Variants in XRCC6 observed in about 807,000 individuals in gnomAD.
XRCC6 encodes DNA repair protein Ku70.
XRCC6 carries 5 observed loss-of-function variants against 65.7 expected under a neutral mutation model. That is an observed-to-expected ratio of 0.08 (90% CI 0.04 to 0.16). The LOEUF is 0.16. Ranked by LOEUF, XRCC6 falls within the 10% of genes least tolerant of loss-of-function variation. The probability of loss-of-function intolerance (pLI) is 1.00; values close to 1 mark genes in which losing one functional copy is unlikely to be tolerated. For missense variants in XRCC6, 447 were observed against 738.1 expected (o/e 0.61, Z 4.57); for synonymous variants, 270 against 270.6 (o/e 1.00, Z 0.02).
chr22:41,629,402 A>G (rs984818588), intron 3 of XRCC6, among the ~76,000 whole-genome samples: 38 of 152,240 alleles, frequency 2.5e-4, no homozygotes, highest in African/African-American at 8.4e-4. Flanking sequence ...TACAAAGTAG[A>G]TGAATCTTGA....
intron 9 of XRCC6, among the ~76,000 whole-genome samples, chr22:41,654,238 C>G (rs979587973): frequency 1.3e-5 from 2 of 152,100 alleles, no homozygotes; most frequent in Non-Finnish European, 2.9e-5. Flanking sequence ...GTTTAATATT[C>G]CTTAGCTACA....
chr22:41,621,694 G>A lies in XRCC6; in HGVS notation c.-15-296G>A, dbSNP rs887186559. 3.1e-5 allele frequency: 12 copies of A among 393,398 alleles called. No individual in the cohort carries two copies. In the Admixed American group the frequency reaches 3.3e-4, roughly 11 times the overall value. The allele number at this position is 393,398 out of a possible 1,614,324, so 24.4% of individuals were successfully genotyped here. A position where few individuals can be genotyped will look rare whatever the true frequency, so the allele number is the denominator to read the frequency against. On this transcript the variant is annotated intron_variant, in intron 1 of 12. Transcript: ENST00000360079. The stretch of plus-strand genomic sequence containing the variant: ...GGTCCGTTAGTCAGCATAGAATCCT[G>A]GAGCGGGAATCCCTCACCGTCTAAA...
chr22:41,656,507 A>G (rs2068046279), intron 9 of XRCC6, among the ~76,000 whole-genome samples: 1 of 151,082 alleles, frequency 6.6e-6, no homozygotes, highest in African/African-American at 2.4e-5. Flanking sequence ...CAAGAGTGAA[A>G]CTCCATCTCA....
chr22:41,638,512 C>T (rs777474772), intron 6 of XRCC6, among the ~76,000 whole-genome samples: 59 of 152,052 alleles, frequency 3.9e-4, no homozygotes, highest in Non-Finnish European at 6.8e-4. Context: ...AGGCCAGACA[C>T]GGTGGCTCAC....
At chr22:41,660,241 G>A (rs953948774) in intron 11 of XRCC6, among the ~76,000 whole-genome samples, 2 of 152,154 alleles carry the variant, frequency 1.3e-5, no homozygotes, top group Middle Eastern at 3.2e-3. Context: ...CAATATAGTT[G>A]TAAGCTAACA....
chr22:41,652,770 T>C (rs1275079189), intron 8 of XRCC6, among the ~76,000 whole-genome samples: 2 of 152,130 alleles, frequency 1.3e-5, no homozygotes, highest in Non-Finnish European at 2.9e-5. Context: ...GCCTCCTGAA[T>C]TCAAGCGATT....
In XRCC6 at chr22:41,657,000, G is replaced by A; in HGVS notation, c.1389G>A (p.Lys463=). 1 of 1,599,518 alleles carries A rather than the reference G, an allele frequency of 6.3e-7. No individual in the cohort carries two copies. The highest frequency in any genetic ancestry group is 8.5e-7 in the Non-Finnish European group (1 of 1,176,208). ...CTCCAGAGCAGGTGGGCAAGATGAAGGCTATCGTTGAGAAGCTTCGCTTCA... is the reference window on the plus strand; with the variant it reads ...CTCCAGAGCAGGTGGGCAAGATGAAAGCTATCGTTGAGAAGCTTCGCTTCA... ...MATPEQVGKM[K]AIVEKLRFTY... The change falls in exon 10 of 13, where the codon AAG becomes AAA. Residue 463 remains lysine, a synonymous_variant. Transcript: ENST00000360079.
intron 7 of XRCC6, among the ~76,000 whole-genome samples, chr22:41,650,235 G>C (rs1169841011): frequency 6.6e-6 from 1 of 151,878 alleles, no homozygotes; most frequent in African/African-American, 2.4e-5. Context: ...CTCCCAAGTA[G>C]CTGGGACCAC....
chr22:41,651,720 G>T (rs533282384), intron 8 of XRCC6, among the ~76,000 whole-genome samples: 1 of 151,782 alleles, frequency 6.6e-6, no homozygotes. Flanking sequence ...TAGAGACGAG[G>T]TTTCACCATT....
At chr22:41,640,112 G>T (rs1342321051) in intron 6 of XRCC6, among the ~76,000 whole-genome samples, 1 of 151,786 alleles carries the variant, frequency 6.6e-6, no homozygotes, top group Non-Finnish European at 1.5e-5. Flanking sequence ...CAACTCCTGG[G>T]CTCAGGCAGT....
chr22:41,637,807 G>A lies in XRCC6; in HGVS notation c.773+16G>A, dbSNP rs778659117. The A allele has an allele frequency of 6.2e-7, 1 of 1,611,286 alleles. No individual in the cohort carries two copies. The highest frequency in any genetic ancestry group is 2.2e-5 in the East Asian group (1 of 44,836). ...CACTCAGCAGGTGTGCACTCAGCCC[G>A]GGTCAGCTGCCTACACTGCCCTTAA... On this transcript the variant is annotated intron_variant, in intron 6 of 12. Coordinates refer to ENST00000360079, the MANE Select transcript of XRCC6 (RefSeq NM_001469.5).
At position 41,621,712 on chromosome 22, in the gene XRCC6, C is replaced by G. The variant is rs774466190; in HGVS notation, c.-15-278C>G. 2.3e-5 allele frequency: 10 copies of G among 434,706 alleles called. No individual in the cohort carries two copies. The South Asian group carries it at 2.6e-4, about 11-fold the overall frequency. 26.9% of individuals were successfully genotyped at this position (434,706 alleles called of 1,614,324 possible). A position where few individuals can be genotyped will look rare whatever the true frequency, so the allele number is the denominator to read the frequency against. On this transcript the variant is annotated intron_variant, in intron 1 of 12. Transcript: ENST00000360079. The stretch of plus-strand genomic sequence containing the variant: ...GAATCCTGGAGCGGGAATCCCTCAC[C>G]GTCTAAATGGCGTCGGGGGCGGGAC...
chr22:41,622,111 C>T (rs2067614106), intron 2 of XRCC6, 25 bp downstream of exon 2: 1 of 1,612,872 alleles, frequency 6.2e-7, no homozygotes, highest in Non-Finnish European at 8.5e-7. Flanking sequence ...CATGTAGTGC[C>T]ATTCGGTGTG....
At chr22:41,635,138 G>C (rs1427411400) in intron 3 of XRCC6, among the ~76,000 whole-genome samples, 1 of 152,132 alleles carries the variant, frequency 6.6e-6, no homozygotes, top group Admixed American at 6.6e-5. Context: ...CATAGTATTT[G>C]CATATAACCT....
intron 3 of XRCC6, among the ~76,000 whole-genome samples, chr22:41,632,725 G>T (rs753027950): frequency 7.3e-5 from 11 of 151,416 alleles, no homozygotes; most frequent in Non-Finnish European, 1.6e-4. Flanking sequence ...CAGGAGGCCG[G>T]GGTGAGAGGA....
At position 41,637,843 on chromosome 22, in the gene XRCC6, G is replaced by C. The variant is rs775324880; in HGVS notation, c.773+52G>C. ...CTACACTGCCCTTAAATCAGAAGCA[G>C]GCTGGGCGCGGTGGCTCACACCTGT... On this transcript the variant is annotated intron_variant, in intron 6 of 12. Transcript: ENST00000360079. 19 of 1,561,222 alleles carry C rather than the reference G, an allele frequency of 1.2e-5. No individual in the cohort carries two copies. The African/African-American group carries it at 2.0e-4, about 17-fold the overall frequency.
chr22:41,630,198 G>A (rs1282273584), intron 3 of XRCC6, among the ~76,000 whole-genome samples: 3 of 151,784 alleles, frequency 2.0e-5, no homozygotes, highest in Admixed American at 6.6e-5. Flanking sequence ...TGGCCAGGAT[G>A]GTCTTGGACC....
intron 9 of XRCC6, among the ~76,000 whole-genome samples, chr22:41,655,765 T>C (rs2068039294): frequency 1.3e-5 from 2 of 151,432 alleles, no homozygotes; most frequent in Admixed American, 1.3e-4. Context: ...GGTCTCACTA[T>C]GTTGCCCAGG....
chr22:41,623,257 T>G (rs1489429616), intron 2 of XRCC6, among the ~76,000 whole-genome samples: 1 of 152,092 alleles, frequency 6.6e-6, no homozygotes, highest in Non-Finnish European at 1.5e-5. Context: ...CTTAATTTTT[T>G]GTAGAGACAG....
Sources: allele counts gnomAD v4.1 joint callset (sites outside exome capture counted in the v4.1 genomes callset), GRCh38; gene constraint gnomAD v4.1.1; transcripts MANE v1.5; gene names NCBI Gene and HGNC (gene_info 2026-07-23, HGNC 2026-07-21).